The following VOPP1 variants were observed in gnomAD, a reference collection of about 807,000 sequenced individuals.
The protein encoded by VOPP1 is VOPP1 WW domain binding protein, also known as WW domain binding protein VOPP1.
VOPP1 carries 8 observed loss-of-function variants against 23.5 expected under a neutral mutation model. That is an observed-to-expected ratio of 0.34 (90% CI 0.20 to 0.61). The LOEUF (loss-of-function observed/expected upper bound fraction) is 0.61. VOPP1 is among the 20% of genes least tolerant of loss of function. The pLI, the probability that VOPP1 is intolerant of heterozygous loss-of-function variation, is 0.78. For synonymous variants in VOPP1, 83 were observed against 97.3 expected (o/e 0.85, Z 0.86); for missense variants, 174 against 238.1 (o/e 0.73, Z 1.77).
intron 4 of VOPP1, among the ~76,000 whole-genome samples, chr7:55,460,845 C>G (rs560521968): frequency 3.3e-5 from 5 of 152,172 alleles, no homozygotes; most frequent in African/African-American, 4.8e-5. Flanking sequence ...TTTTTCCATC[C>G]TTCACTTTCA....
chr7:55,505,175 C>T (rs1057393070), intron 2 of VOPP1, among the ~76,000 whole-genome samples: 5 of 152,164 alleles, frequency 3.3e-5, no homozygotes, highest in African/African-American at 1.2e-4. Flanking sequence ...CTGCTGAAGG[C>T]CACCCAGGCA....
chr7:55,541,080 C>T lies in VOPP1; in HGVS notation c.55-19950G>A, dbSNP rs1032881588. ...ATAAGGAACGTATTTAAAGTCTTAC[C>T]GCTCAATATCAAAAACAGAAGCCAT... On this transcript the variant is annotated intron_variant, in intron 1 of 4. Transcript: ENST00000285279. Among the ~76,000 whole-genome samples the T allele has an allele frequency of 6.6e-5, 10 of 152,158 alleles. No individual in the cohort carries two copies. In the South Asian group the frequency reaches 1.0e-3, roughly 16 times the overall value.
At chr7:55,450,091 G>T (rs1480231233) in intron 4 of VOPP1, among the ~76,000 whole-genome samples, 1 of 152,220 alleles carries the variant, frequency 6.6e-6, no homozygotes, top group Non-Finnish European at 1.5e-5. Flanking sequence ...AGCAACGATT[G>T]CATTTCACCT....
chr7:55,478,234 C>T (rs1399561788), intron 4 of VOPP1, among the ~76,000 whole-genome samples: 5 of 152,206 alleles, frequency 3.3e-5, no homozygotes, highest in African/African-American at 1.2e-4. Context: ...GATTATATGG[C>T]ACATGGCTCT....
At chr7:55,507,102 T>A (rs1335001928) in intron 2 of VOPP1, among the ~76,000 whole-genome samples, 1 of 152,166 alleles carries the variant, frequency 6.6e-6, no homozygotes. Context: ...AGCCCATACA[T>A]GTGGATAAAA....
At chr7:55,455,338 T>C (rs969648329) in intron 4 of VOPP1, among the ~76,000 whole-genome samples, 4 of 152,212 alleles carry the variant, frequency 2.6e-5, no homozygotes, top group African/African-American at 9.7e-5. Context: ...TCCATGCTCA[T>C]GGATAGGAAG....
intron 1 of VOPP1, among the ~76,000 whole-genome samples, chr7:55,550,527 C>T (rs1426127610): frequency 6.6e-6 from 1 of 152,178 alleles, no homozygotes; most frequent in East Asian, 1.9e-4. Context: ...CCGGTCTAGG[C>T]ATTCTATTTC....
intron 4 of VOPP1, among the ~76,000 whole-genome samples, chr7:55,456,809 G>C (rs766627472): frequency 2.6e-5 from 4 of 152,090 alleles, no homozygotes; most frequent in African/African-American, 4.8e-5. Flanking sequence ...GGGGATGGGG[G>C]TCTAGGGGAG....
chr7:55,485,954 G>T (rs1368252261), intron 4 of VOPP1, among the ~76,000 whole-genome samples: 10 of 152,252 alleles, frequency 6.6e-5, no homozygotes, highest in African/African-American at 2.4e-4. Flanking sequence ...CACGGGGAGA[G>T]GAATGCAGCC....
At chr7:55,539,077 C>T (rs2129050064) in intron 1 of VOPP1, among the ~76,000 whole-genome samples, 1 of 150,216 alleles carries the variant, frequency 6.7e-6, no homozygotes, top group South Asian at 2.1e-4. Context: ...GGTGTGATGG[C>T]TCACGCCTGT....
rs1187492870 is a variant in VOPP1, at chr7:55,538,548, C to T, written c.55-17418G>A. On this transcript the variant is annotated intron_variant, in intron 1 of 4. Coordinates refer to ENST00000285279, the MANE Select transcript of VOPP1 (RefSeq NM_030796.5). Reference sequence around the variant, plus strand: ...AAAGACTGAGGATTCCACAGTCCAACTGAGGATCACTGTAAACTGCTTTAC... The same window carrying T: ...AAAGACTGAGGATTCCACAGTCCAATTGAGGATCACTGTAAACTGCTTTAC... 2.1e-6 allele frequency: 3 copies of T among 1,448,878 alleles called. No individual in the cohort carries two copies. In the African/African-American group the frequency reaches 4.2e-5, roughly 20 times the overall value. The allele number at this position is 1,448,878 out of a possible 1,614,324, so 89.8% of individuals were successfully genotyped here.
intron 4 of VOPP1, among the ~76,000 whole-genome samples, chr7:55,441,707 C>T (rs1418910255): frequency 6.6e-6 from 1 of 152,152 alleles, no homozygotes; most frequent in Non-Finnish European, 1.5e-5. Context: ...AGAGCAGTAG[C>T]GCACCCCCAC....
At position 55,490,347 on chromosome 7, in the gene VOPP1, G is replaced by A. The variant is rs948313389; in HGVS notation, c.328+1935C>T. Among the ~76,000 whole-genome samples, 3 of 152,098 alleles carry A rather than the reference G, an allele frequency of 2.0e-5. No homozygotes were observed. In the South Asian group the frequency reaches 6.2e-4, roughly 32 times the overall value. On this transcript the variant is annotated intron_variant, in intron 4 of 4. Coordinates refer to ENST00000285279, the MANE Select transcript of VOPP1 (RefSeq NM_030796.5). ...AGACAGATGGAGCGGGGTTAGGTGGGGTGTGGGGCTGTGCAGAACAGAGGG... is the reference window on the plus strand; with the variant it reads ...AGACAGATGGAGCGGGGTTAGGTGGAGTGTGGGGCTGTGCAGAACAGAGGG...
At chr7:55,554,174 C>T (rs1398506658) in intron 1 of VOPP1, among the ~76,000 whole-genome samples, 1 of 152,204 alleles carries the variant, frequency 6.6e-6, no homozygotes, top group African/African-American at 2.4e-5. Flanking sequence ...TTCCAAGTGG[C>T]TGGTCAATCC....
downstream of VOPP1, among the ~76,000 whole-genome samples, chr7:55,468,163 C>T (rs1583824062): frequency 1.3e-5 from 2 of 150,820 alleles, no homozygotes; most frequent in South Asian, 2.1e-4. Flanking sequence ...CCCAGCTAGT[C>T]AGGAGGCTGA....
intron 2 of VOPP1, among the ~76,000 whole-genome samples, chr7:55,516,636 T>C (rs186575766): frequency 5.9e-5 from 9 of 152,268 alleles, no homozygotes; most frequent in East Asian, 5.8e-4. Context: ...TTATCAAATA[T>C]AGGAGTAAAA....
At chr7:55,507,132 C>G (rs1053461837) in intron 2 of VOPP1, among the ~76,000 whole-genome samples, 6 of 152,180 alleles carry the variant, frequency 3.9e-5, no homozygotes, top group African/African-American at 1.2e-4. Flanking sequence ...GGAGGTGGTT[C>G]AGGCAGAACT....
chr7:55,562,388 G>C (rs891076155), intron 1 of VOPP1, among the ~76,000 whole-genome samples: 1 of 152,184 alleles, frequency 6.6e-6, no homozygotes, highest in African/African-American at 2.4e-5. Context: ...GGATGTGCTG[G>C]TCCAGAACTA....
Position 55,492,436 on chromosome 7 carries a change from G to GT in VOPP1, c.192-19dup, listed in dbSNP as rs1793648529. On this transcript the variant is annotated intron_variant, in intron 3 of 4. Coordinates refer to ENST00000285279, the MANE Select transcript of VOPP1 (RefSeq NM_030796.5). ...GAAGGAACCTGAGGAGAGTACAGAC[G>GT]TGAGGGTGGTGCTCCCAGGTGGGGG... 2.5e-6 allele frequency: 4 copies of GT among 1,596,604 alleles called. No homozygotes were observed. In the South Asian group the frequency reaches 4.5e-5, roughly 18 times the overall value.
Sources: gnomAD v4.1 joint callset for allele counts (sites outside exome capture counted in the v4.1 genomes callset) on GRCh38, gnomAD v4.1.1 for gene constraint, MANE v1.5 for transcripts, NCBI Gene and HGNC (gene_info 2026-07-23, HGNC 2026-07-21) for gene names.